The following AFF3 variants were observed in gnomAD, a reference collection of about 807,000 sequenced individuals.
AFF3 encodes the protein ALF transcription elongation factor 3.
A neutral mutation model predicts 129.7 loss-of-function variants in AFF3; 32 were observed. That is an observed-to-expected ratio of 0.25 (90% confidence interval 0.19 to 0.33). The LOEUF is 0.33. Ranked by LOEUF, AFF3 falls within the 10% of genes least tolerant of loss-of-function variation. The pLI, the probability that AFF3 is intolerant of heterozygous loss-of-function variation, is 1.00. For synonymous variants in AFF3, 644 were observed against 635.4 expected (o/e 1.01, Z -0.20); for missense variants, 1,373 against 1,592.0 (o/e 0.86, Z 2.34).
chr2:99,632,284 G>C (rs1683196560), intron 13 of AFF3, among the ~76,000 whole-genome samples: 1 of 151,962 alleles, frequency 6.6e-6, no homozygotes. Flanking sequence ...CACAGTGCTG[G>C]GATTACAGAA....
Position 99,649,655 on chromosome 2 carries a change from C to G in AFF3, c.1155G>C (p.Gln385His). The G allele has an allele frequency of 1.9e-6, 3 of 1,614,172 alleles. No individual in the cohort carries two copies. The highest frequency in any genetic ancestry group is 1.7e-6 in the Non-Finnish European group (2 of 1,180,024). ...CAGAGAGAGCGCGGAGAGCCGTTCT[C>G]TGAGCTGCCTGCTGGAAGAAAGAAA... ...DEEENEQQAA[Q>H]RTALRALSDS... The change falls in exon 13 of 25, where the codon CAG becomes CAC. Residue 385 changes from glutamine (Q) to histidine (H), a missense_variant. Transcript: ENST00000672756.
At chr2:99,692,068 G>C (rs558533281) in intron 11 of AFF3, among the ~76,000 whole-genome samples, 3 of 152,314 alleles carry the variant, frequency 2.0e-5, no homozygotes, top group Non-Finnish European at 1.5e-5. Flanking sequence ...TCAGCCTCTG[G>C]AGCTGGCAGC....
At chr2:100,003,853 C>A (rs1363757788) in intron 7 of AFF3, among the ~76,000 whole-genome samples, 1 of 151,932 alleles carries the variant, frequency 6.6e-6, no homozygotes, top group East Asian at 1.9e-4. Flanking sequence ...TTTCCTAGGG[C>A]TAAAAGGCCA....
intron 7 of AFF3, among the ~76,000 whole-genome samples, chr2:99,847,782 T>C (rs1157651342): frequency 6.6e-6 from 1 of 152,032 alleles, no homozygotes; most frequent in Non-Finnish European, 1.5e-5. Context: ...CAGATAAAGT[T>C]AGCCCCGGGT....
chr2:100,026,685 T>C (rs540797367), intron 4 of AFF3, among the ~76,000 whole-genome samples: 1 of 146,710 alleles, frequency 6.8e-6, no homozygotes, highest in South Asian at 2.1e-4. Context: ...AAAGAAACTG[T>C]GATTGATATA....
chr2:99,644,026 T>G (rs983135399), intron 13 of AFF3, among the ~76,000 whole-genome samples: 1 of 152,236 alleles, frequency 6.6e-6, no homozygotes, highest in African/African-American at 2.4e-5. Flanking sequence ...CGGCTGTTTC[T>G]CATCCTGGCA....
At chr2:99,652,788 G>T (rs575533607) in intron 12 of AFF3, among the ~76,000 whole-genome samples, 48 of 152,218 alleles carry the variant, frequency 3.2e-4, no homozygotes, top group African/African-American at 1.1e-3. Context: ...AATCCAAGGG[G>T]TTACTGTCCC....
At chr2:100,016,440 G>GT (rs1683081337) in intron 4 of AFF3, among the ~76,000 whole-genome samples, 2 of 44,038 alleles carry the variant, frequency 4.5e-5, no homozygotes, top group African/African-American at 1.5e-4. Context: ...TGGTGGTGAT[G>GT]TGGTGGTGGA....
chr2:99,886,553 C>A (rs1693127018), intron 7 of AFF3, among the ~76,000 whole-genome samples: 1 of 152,168 alleles, frequency 6.6e-6, no homozygotes, highest in Admixed American at 6.5e-5. Flanking sequence ...CTGCCTCCCC[C>A]TCCATGCTAC....
At chr2:99,775,351 T>C (rs1683813471) in intron 8 of AFF3, among the ~76,000 whole-genome samples, 1 of 152,216 alleles carries the variant, frequency 6.6e-6, no homozygotes, top group African/African-American at 2.4e-5. Context: ...GTGGTACATA[T>C]ACACCATGGA....
intron 8 of AFF3, among the ~76,000 whole-genome samples, chr2:99,780,432 G>A (rs1383078460): frequency 1.3e-5 from 2 of 152,082 alleles, no homozygotes; most frequent in African/African-American, 4.8e-5. Context: ...ATATGACTGT[G>A]CAACCCAGGG....
chr2:99,942,132 A>G (rs552670362), intron 7 of AFF3, among the ~76,000 whole-genome samples: 3 of 152,254 alleles, frequency 2.0e-5, no homozygotes, highest in South Asian at 2.1e-4. Context: ...CTGAGTGCCT[A>G]CTTATCAGCC....
chr2:100,093,310 G>A (rs1026874658), intron 4 of AFF3, among the ~76,000 whole-genome samples: 1 of 149,288 alleles, frequency 6.7e-6, no homozygotes, highest in African/African-American at 2.5e-5. Flanking sequence ...ATGTTGCCCA[G>A]GCTGGTCTCA....
intron 7 of AFF3, among the ~76,000 whole-genome samples, chr2:99,966,428 C>T (rs1677756078): frequency 2.0e-5 from 3 of 152,114 alleles, no homozygotes; most frequent in South Asian, 2.1e-4. Context: ...CGGTGGCTCA[C>T]GCCTGTAATC....
intron 12 of AFF3, among the ~76,000 whole-genome samples, chr2:99,672,050 A>G (rs1360854477): frequency 1.3e-5 from 2 of 152,084 alleles, no homozygotes; most frequent in Non-Finnish European, 2.9e-5. Context: ...GCTCACCTCT[A>G]CATTTGCTCC....
chr2:99,989,439 G>A (rs916161038), intron 7 of AFF3, among the ~76,000 whole-genome samples: 2 of 152,200 alleles, frequency 1.3e-5, no homozygotes, highest in Non-Finnish European at 2.9e-5. Context: ...TGCAGTCCTA[G>A]ATCTGTGTTT....
At chr2:99,934,403 C>T (rs749153485) in intron 7 of AFF3, among the ~76,000 whole-genome samples, 9 of 152,156 alleles carry the variant, frequency 5.9e-5, no homozygotes, top group South Asian at 2.1e-4. Context: ...CCTGTGGCCC[C>T]GCATGTATAG....
At chr2:99,618,224 CTTTTTTT>C (rs70940180) in intron 13 of AFF3, among the ~76,000 whole-genome samples, 3,741 of 79,458 alleles carry the variant, frequency 0.047, 92 homozygotes, top group African/African-American at 0.2. Context: ...TCATAACATT[CTTTTTTT>C]TTTTTTTTTT....
intron 11 of AFF3, 132 bp from the exon 12 acceptor site, chr2:99,672,721 T>A: frequency 1.2e-6 from 1 of 859,868 alleles, no homozygotes; most frequent in South Asian, 1.8e-5. Context: ...GATTTCCTAT[T>A]TTTTTTCTTT....
Sources: gnomAD v4.1 joint callset for allele counts (sites outside exome capture counted in the v4.1 genomes callset) on GRCh38, gnomAD v4.1.1 for gene constraint, MANE v1.5 for transcripts, NCBI Gene and HGNC (gene_info 2026-07-23, HGNC 2026-07-21) for gene names.